The following LRMDA variants were observed in gnomAD, a reference collection of about 807,000 sequenced individuals.
The protein encoded by LRMDA is leucine rich melanocyte differentiation associated, also known as leucine-rich melanocyte differentiation-associated protein.
Under a neutral mutation model 29.8 loss-of-function variants are expected in LRMDA, and 18 were observed. That is an observed-to-expected ratio of 0.60 (90% CI 0.42 to 0.90). The LOEUF (loss-of-function observed/expected upper bound fraction) is 0.90. LRMDA is among the 40% of genes least tolerant of loss of function. The pLI is 0.00. For missense variants in LRMDA, 273 were observed against 273.9 expected (o/e 1.00, Z 0.02); for synonymous variants, 125 against 109.4 (o/e 1.14, Z -0.89).
intron 2 of LRMDA, among the ~76,000 whole-genome samples, chr10:75,754,101 G>A (rs185442261): frequency 6.6e-6 from 1 of 152,316 alleles, no homozygotes; most frequent in East Asian, 1.9e-4. Flanking sequence ...CCTGCTTCCA[G>A]CCAGCCCTGC....
chr10:75,588,707 T>C (rs1840685135), intron 2 of LRMDA, among the ~76,000 whole-genome samples: 1 of 152,198 alleles, frequency 6.6e-6, no homozygotes, highest in Non-Finnish European at 1.5e-5. Flanking sequence ...AAAGTTTTCC[T>C]CCCATTCTGT....
chr10:76,107,838 T>A (rs4396230), intron 5 of LRMDA, among the ~76,000 whole-genome samples: 48,267 of 151,894 alleles, frequency 0.32, 8,336 homozygotes, highest in East Asian at 0.65. Flanking sequence ...AAACGTGCCA[T>A]GGTGGTTTGC....
intron 6 of LRMDA, among the ~76,000 whole-genome samples, chr10:76,468,446 A>T (rs555660114): frequency 1.3e-5 from 2 of 152,158 alleles, no homozygotes; most frequent in East Asian, 3.9e-4. Context: ...GTGTTGGAGG[A>T]TATTTCTGTT....
At chr10:76,257,211 AAAT>A (rs1235853774) in intron 5 of LRMDA, among the ~76,000 whole-genome samples, 2 of 152,192 alleles carry the variant, frequency 1.3e-5, no homozygotes, top group East Asian at 1.9e-4. Context: ...CAAATTAAAA[AAAT>A]AATAATTACT....
At chr10:75,464,729 C>T (rs1393854759) in intron 2 of LRMDA, among the ~76,000 whole-genome samples, 1 of 152,132 alleles carries the variant, frequency 6.6e-6, no homozygotes, top group Non-Finnish European at 1.5e-5. Flanking sequence ...GGAATAGACC[C>T]CCAGCAAAGT....
chr10:76,344,876 G>A (rs540340905), intron 6 of LRMDA, among the ~76,000 whole-genome samples: 8 of 149,216 alleles, frequency 5.4e-5, no homozygotes, highest in African/African-American at 1.5e-4. Context: ...AGCAGGATAC[G>A]TTGCAAATGG....
intron 5 of LRMDA, among the ~76,000 whole-genome samples, chr10:76,075,971 G>A (rs906825987): frequency 5.3e-5 from 8 of 152,280 alleles, no homozygotes; most frequent in Non-Finnish European, 1.2e-4. Flanking sequence ...ACCTGAAAGT[G>A]TTGCTGGATT....
At chr10:75,618,728 C>T (rs1214159118) in intron 2 of LRMDA, among the ~76,000 whole-genome samples, 1 of 148,824 alleles carries the variant, frequency 6.7e-6, no homozygotes, top group South Asian at 2.1e-4. Flanking sequence ...AAATAGTAAG[C>T]TAGAAAAAAG....
At chr10:76,101,695 C>A (rs118034757) in intron 5 of LRMDA, among the ~76,000 whole-genome samples, 1 of 151,784 alleles carries the variant, frequency 6.6e-6, no homozygotes, top group African/African-American at 2.4e-5. Context: ...TAGATCACAC[C>A]GCTGTACTCC....
At chr10:76,514,278 G>A (rs1843038093) in intron 6 of LRMDA, among the ~76,000 whole-genome samples, 1 of 152,176 alleles carries the variant, frequency 6.6e-6, no homozygotes. Context: ...GCCAGAAGCA[G>A]AGCCTGTTAG....
chr10:75,760,435 T>C (rs1218924806), intron 2 of LRMDA, among the ~76,000 whole-genome samples: 1 of 152,192 alleles, frequency 6.6e-6, no homozygotes, highest in Admixed American at 6.5e-5. Context: ...AAGACCACTA[T>C]GGATTTTGGT....
chr10:75,501,193 T>G (rs1845109143), intron 2 of LRMDA, among the ~76,000 whole-genome samples: 1 of 152,198 alleles, frequency 6.6e-6, no homozygotes, highest in Non-Finnish European at 1.5e-5. Context: ...ATTACCCCAG[T>G]AGGAGTCAGT....
chr10:76,395,680 T>C (rs1841775739), intron 6 of LRMDA, among the ~76,000 whole-genome samples: 2 of 152,252 alleles, frequency 1.3e-5, no homozygotes, highest in Admixed American at 1.3e-4. Flanking sequence ...ATCTAAGACT[T>C]ACATTAGATG....
chr10:75,788,825 C>T (rs1001319280), intron 2 of LRMDA, among the ~76,000 whole-genome samples: 5 of 152,268 alleles, frequency 3.3e-5, no homozygotes, highest in Non-Finnish European at 7.3e-5. Context: ...CTCTTTGCTA[C>T]ATTCTCCCCA....
At chr10:75,725,895 G>A (rs1842626018) in intron 2 of LRMDA, among the ~76,000 whole-genome samples, 1 of 152,156 alleles carries the variant, frequency 6.6e-6, no homozygotes, top group Non-Finnish European at 1.5e-5. Flanking sequence ...CTAGAGTAGA[G>A]ATGTTGGATC....
chr10:75,853,671 C>T (rs1844771761), intron 2 of LRMDA, among the ~76,000 whole-genome samples: 1 of 152,130 alleles, frequency 6.6e-6, no homozygotes, highest in Admixed American at 6.6e-5. Context: ...AGCAATTGTT[C>T]CCTGAGATAT....
At chr10:75,931,303 G>A (rs1306866437) in intron 2 of LRMDA, among the ~76,000 whole-genome samples, 2 of 152,172 alleles carry the variant, frequency 1.3e-5, no homozygotes, top group Non-Finnish European at 2.9e-5. Flanking sequence ...GAAGAAAAGA[G>A]GCAGGAAGGT....
chr10:76,553,990 T>C (rs758583302), intron 6 of LRMDA, among the ~76,000 whole-genome samples: 40 of 152,066 alleles, frequency 2.6e-4, no homozygotes, highest in Non-Finnish European at 1.5e-4. Context: ...TCTGATCACC[T>C]CAAGTAGCCA....
intron 5 of LRMDA, among the ~76,000 whole-genome samples, chr10:76,102,899 G>A (rs528102590): frequency 3.3e-5 from 5 of 152,198 alleles, no homozygotes; most frequent in Admixed American, 1.3e-4. Flanking sequence ...CAGTCCTCCC[G>A]CCTTGGCCTC....
Sources: gnomAD v4.1 joint callset for allele counts (sites outside exome capture counted in the v4.1 genomes callset) on GRCh38, gnomAD v4.1.1 for gene constraint, MANE v1.5 for transcripts, NCBI Gene and HGNC (gene_info 2026-07-23, HGNC 2026-07-21) for gene names.